Variants in ARMC9 observed in about 807,000 individuals in gnomAD.
The protein encoded by ARMC9 is lisH domain-containing protein ARMC9.
In ARMC9, 94 loss-of-function variants were observed where a neutral mutation model predicts 107.0. The ratio of observed to expected loss-of-function variants is 0.88; its 90% CI spans 0.74 to 1.04. ARMC9 has a LOEUF of 1.04. ARMC9 is among the 50% of genes least tolerant of loss of function. The pLI is 0.00. For synonymous variants in ARMC9, 380 were observed against 396.9 expected (o/e 0.96, Z 0.51); for missense variants, 942 against 1,030.1 (o/e 0.91, Z 1.17).
chr2:231,338,034 CAG>C (rs1406971422), intron 20 of ARMC9, among the ~76,000 whole-genome samples: 3 of 152,156 alleles, frequency 2.0e-5, no homozygotes, highest in African/African-American at 7.2e-5. Context: ...TGGGGGCTGT[CAG>C]AGCCCAGGCT....
chr2:231,221,658 G>A (rs1207040360), intron 5 of ARMC9, among the ~76,000 whole-genome samples: 9 of 148,430 alleles, frequency 6.1e-5, no homozygotes, highest in Admixed American at 1.3e-4. Flanking sequence ...GTGAAACCCC[G>A]TCTCTACCAA....
intron 9 of ARMC9, among the ~76,000 whole-genome samples, chr2:231,251,038 A>T (rs573407020): frequency 6.6e-6 from 1 of 152,286 alleles, no homozygotes; most frequent in African/African-American, 2.4e-5. Context: ...AGGAGAGAAG[A>T]AGTCCTGAAT....
In ARMC9 at chr2:231,359,990, C is replaced by T. The variant is rs541562201; in HGVS notation, c.2132-764C>T. Among the ~76,000 whole-genome samples the T allele has an allele frequency of 3.3e-5, 5 of 152,240 alleles. No individual in the cohort carries two copies. In the East Asian group the frequency reaches 5.8e-4, roughly 18 times the overall value. ...AGAGGAGCTTGGCCTAAGGGAGTCACGGATGCAGCCTCTGTCACAGTGTCG... is the reference window on the plus strand; with the variant it reads ...AGAGGAGCTTGGCCTAAGGGAGTCATGGATGCAGCCTCTGTCACAGTGTCG... On this transcript the variant is annotated intron_variant, in intron 22 of 24. Coordinates refer to ENST00000611582, the MANE Select transcript of ARMC9 (RefSeq NM_001352754.2).
chr2:231,231,413 C>T (rs1205292592), intron 7 of ARMC9, among the ~76,000 whole-genome samples: 4 of 152,074 alleles, frequency 2.6e-5, no homozygotes, highest in Non-Finnish European at 2.9e-5. Flanking sequence ...TTTTTTGAGA[C>T]AGCGCTGTTG....
At chr2:231,237,755 A>ATATATGTG (rs59606356) in intron 8 of ARMC9, among the ~76,000 whole-genome samples, 4 of 22,046 alleles carry the variant, frequency 1.8e-4, no homozygotes, top group African/African-American at 6.2e-4. Flanking sequence ...GGCTATATGT[A>ATATATGTG]TATATATATA....
chr2:231,352,071 A>G (rs558520849), intron 21 of ARMC9, among the ~76,000 whole-genome samples: 1 of 152,152 alleles, frequency 6.6e-6, no homozygotes, highest in South Asian at 2.1e-4. Flanking sequence ...GGCTCAAACC[A>G]TCCTCCCACC....
intron 21 of ARMC9, 150 bp from the exon 22 acceptor site, chr2:231,355,648 G>A (rs1005672241): frequency 4.0e-6 from 4 of 998,908 alleles, no homozygotes; most frequent in Non-Finnish European, 4.3e-6. Flanking sequence ...CTCCTGCCAA[G>A]ACCCTTTAGA....
In ARMC9 at chr2:231,360,677, C is replaced by T. The variant is rs1244026473; in HGVS notation, c.2132-77C>T. 2 of 1,534,986 alleles carry T rather than the reference C, an allele frequency of 1.3e-6. No individual in the cohort carries two copies. Among genetic ancestry groups the T allele is most frequent in the South Asian group, 1.2e-5 (1 of 84,004 alleles). ...GGGGTGCGTGCTTTTCTTGGCTTTC[C>T]AACCCAGCCCACGAGAGGGCATCCT... On this transcript the variant is annotated intron_variant, in intron 22 of 24. Transcript: ENST00000611582. The surrounding 1 kb of genome is among the most constrained non-coding windows in gnomAD (Gnocchi z 4.7).
At chr2:231,268,910 C>A (rs1405556360) in intron 12 of ARMC9, among the ~76,000 whole-genome samples, 4 of 151,992 alleles carry the variant, frequency 2.6e-5, no homozygotes, top group Non-Finnish European at 5.9e-5. Context: ...AAAAAAAATT[C>A]TTTTAAATTA....
chr2:231,217,035 G>C (rs1161473678), intron 5 of ARMC9, among the ~76,000 whole-genome samples: 1 of 152,158 alleles, frequency 6.6e-6, no homozygotes, highest in African/African-American at 2.4e-5. Flanking sequence ...ATCTGGAAGA[G>C]TTATAGTAAT....
rs1355686398 is a variant in ARMC9 at position 231,320,901 on chromosome 2, C to G, written c.1774-10892C>G. Among the ~76,000 whole-genome samples the G allele has an allele frequency of 2.6e-5, 4 of 152,178 alleles. No homozygotes were observed. The East Asian group carries it at 7.7e-4, about 29-fold the overall frequency. ...CCTCTCTATACCTGCCAGAGACCCACAAAAATGATAGATGCATGGTTAATA... is the reference window on the plus strand; with the variant it reads ...CCTCTCTATACCTGCCAGAGACCCAGAAAAATGATAGATGCATGGTTAATA... On this transcript the variant is annotated intron_variant, in intron 19 of 24. Transcript: ENST00000611582.
At chr2:231,270,959 T>A (rs1409135549) in intron 12 of ARMC9, 23 bp from the exon 13 acceptor site, 1 of 1,610,240 alleles carries the variant, frequency 6.2e-7, no homozygotes, top group South Asian at 1.1e-5. Flanking sequence ...AACCTTGTTT[T>A]TCCTCTTGAC....
chr2:231,354,655 T>C (rs965941547), intron 21 of ARMC9, among the ~76,000 whole-genome samples: 6 of 152,178 alleles, frequency 3.9e-5, no homozygotes, highest in Non-Finnish European at 1.5e-5. Context: ...GTGCTGGGAT[T>C]ACAGGCATGA....
At chr2:231,244,896 C>A (rs1240816758) in intron 9 of ARMC9, among the ~76,000 whole-genome samples, 1 of 152,256 alleles carries the variant, frequency 6.6e-6, no homozygotes, top group Non-Finnish European at 1.5e-5. Context: ...GGTCTGCCCC[C>A]AGCCTCACAA....
Position 231,376,403 on chromosome 2 carries a change from G to C in ARMC9, c.*4868G>C, listed in dbSNP as rs1464981961. On this transcript the variant is annotated 3_prime_UTR_variant, in exon 25 of 25. Transcript: ENST00000611582. ...AGAAAGAGAATGCACACCTGGGGGT[G>C]GGTCTCTGAACTGGCCCCCCTCCCC... Among the ~76,000 whole-genome samples the C allele has an allele frequency of 6.6e-6, 1 of 152,094 alleles. No individual in the cohort carries two copies. The highest frequency in any genetic ancestry group is 6.6e-5 in the Admixed American group (1 of 15,266).
chr2:231,229,470 T>G (rs2035002563), intron 7 of ARMC9, among the ~76,000 whole-genome samples: 1 of 152,214 alleles, frequency 6.6e-6, no homozygotes, highest in African/African-American at 2.4e-5. Context: ...TGAAATGCTG[T>G]GTGGAATAAA....
At chr2:231,211,503 G>A (rs1329786182) in intron 3 of ARMC9, among the ~76,000 whole-genome samples, 1 of 151,910 alleles carries the variant, frequency 6.6e-6, no homozygotes, top group Non-Finnish European at 1.5e-5. Context: ...TTGCACTCCA[G>A]CCTGGGGTAA....
intron 19 of ARMC9, among the ~76,000 whole-genome samples, chr2:231,322,160 G>C (rs545728672): frequency 6.6e-5 from 10 of 152,240 alleles, no homozygotes; most frequent in Non-Finnish European, 1.0e-4. Flanking sequence ...AGACTTCTCC[G>C]CGTCGCGGGG....
chr2:231,311,770 C>CAAAAA (rs56713732), intron 19 of ARMC9, among the ~76,000 whole-genome samples: 3 of 60,638 alleles, frequency 4.9e-5, no homozygotes, highest in Admixed American at 4.5e-4. Context: ...ACTCCATCGC[C>CAAAAA]AAAAAAAAAA....
Sources: gnomAD v4.1 joint callset for allele counts (sites outside exome capture counted in the v4.1 genomes callset) on GRCh38, gnomAD v4.1.1 for gene constraint, Gnocchi (gnomAD v3.1) non-coding constraint, MANE v1.5 for transcripts, NCBI Gene and HGNC (gene_info 2026-07-23, HGNC 2026-07-21) for gene names.